Variants in PIK3C2A observed in about 807,000 individuals in gnomAD.
PIK3C2A encodes the protein phosphatidylinositol-4-phosphate 3-kinase catalytic subunit type 2 alpha.
In PIK3C2A, 97 loss-of-function variants were observed where a neutral mutation model predicts 204.5. That is an observed-to-expected ratio of 0.47 (90% CI 0.40 to 0.56). The LOEUF (loss-of-function observed/expected upper bound fraction) is 0.56. Ranked by LOEUF, PIK3C2A falls within the 20% of genes least tolerant of loss-of-function variation. PIK3C2A has a pLI of 0.00. For missense variants in PIK3C2A, 1,735 were observed against 1,969.2 expected (o/e 0.88, Z 2.25); for synonymous variants, 653 against 664.4 (o/e 0.98, Z 0.26).
intron 1 of PIK3C2A, among the ~76,000 whole-genome samples, chr11:17,197,313 C>G (rs2137571567): frequency 6.6e-6 from 1 of 152,294 alleles, no homozygotes; most frequent in African/African-American, 2.4e-5. Context: ...AGCCACCGCA[C>G]CTGGCCCCCA....
chr11:17,146,342 A>AT (rs1850242916), intron 6 of PIK3C2A, among the ~76,000 whole-genome samples: 2 of 152,036 alleles, frequency 1.3e-5, no homozygotes, highest in South Asian at 4.2e-4. Context: ...ATGATAATCA[A>AT]TTTTCCTCCC....
chr11:17,156,000 CTTCTAATCAG>C (rs1200978978), intron 2 of PIK3C2A, among the ~76,000 whole-genome samples: 4 of 152,148 alleles, frequency 2.6e-5, no homozygotes, highest in African/African-American at 7.2e-5. Flanking sequence ...ATTTGGGACT[CTTCTAATCAG>C]CCAGAAATTC....
intron 20 of PIK3C2A, 89 bp downstream of exon 20, chr11:17,114,272 C>T (rs1849102583): frequency 1.4e-6 from 1 of 695,824 alleles, no homozygotes; most frequent in Admixed American, 2.1e-5. Context: ...GCAGGTTTTA[C>T]CTTCATTTGC....
At position 17,169,091 on chromosome 11, in the gene PIK3C2A, T is replaced by C; in HGVS notation, c.651A>G (p.Pro217=). 2 of 1,614,238 alleles carry C rather than the reference T, an allele frequency of 1.2e-6. No individual in the cohort carries two copies. The highest frequency in any genetic ancestry group is 1.7e-6 in the Non-Finnish European group (2 of 1,180,032). The change falls in exon 2 of 33, where the codon CCA becomes CCG. Residue 217 remains proline (P), a synonymous_variant. Coordinates refer to ENST00000691414, the MANE Select transcript of PIK3C2A (RefSeq NM_002645.4). The part of the protein sequence containing the change: ...HPQGSLPIYR[P]VVSTDMAKLF... ...GTTTTGCCATGTCAGTACTGACTAC[T>C]GGACGATAGATAGGTAAGCTTCCTT... is the stretch of plus-strand genomic sequence containing the variant.
At chr11:17,168,031 G>C (rs1331351166) in intron 2 of PIK3C2A, among the ~76,000 whole-genome samples, 2 of 151,686 alleles carry the variant, frequency 1.3e-5, no homozygotes, top group Admixed American at 1.3e-4. Flanking sequence ...AAAAAAACAG[G>C]AATAAGGAAG....
chr11:17,186,262 T>A (rs1851747116), intron 1 of PIK3C2A, among the ~76,000 whole-genome samples: 1 of 152,052 alleles, frequency 6.6e-6, no homozygotes, highest in Non-Finnish European at 1.5e-5. Flanking sequence ...TTTCTCCAAC[T>A]CCACTGCCTA....
chr11:17,162,980 T>C (rs1224448209), intron 2 of PIK3C2A, among the ~76,000 whole-genome samples: 1 of 152,148 alleles, frequency 6.6e-6, no homozygotes, highest in Non-Finnish European at 1.5e-5. Flanking sequence ...CTAAACTGAA[T>C]TCTCAATTCA....
At chr11:17,160,202 A>G (rs1321142594) in intron 2 of PIK3C2A, among the ~76,000 whole-genome samples, 1 of 152,232 alleles carries the variant, frequency 6.6e-6, no homozygotes, top group Non-Finnish European at 1.5e-5. Context: ...TTTCAATTTA[A>G]GTAAATTGGA....
intron 1 of PIK3C2A, among the ~76,000 whole-genome samples, chr11:17,173,142 C>T (rs1008325547): frequency 6.6e-6 from 1 of 152,232 alleles, no homozygotes; most frequent in Non-Finnish European, 1.5e-5. Context: ...ACAGCTTTCT[C>T]TTCTTCACTT....
chr11:17,157,406 G>T (rs1300570449), intron 2 of PIK3C2A, among the ~76,000 whole-genome samples: 2 of 146,244 alleles, frequency 1.4e-5, no homozygotes, highest in African/African-American at 5.1e-5. Context: ...GTTGCAGTGA[G>T]CTGAGATCGT....
chr11:17,099,245 T>A (rs1182746234), intron 26 of PIK3C2A, among the ~76,000 whole-genome samples: 1 of 152,242 alleles, frequency 6.6e-6, no homozygotes, highest in Admixed American at 6.5e-5. Context: ...GTCATTGGTA[T>A]ATGTGTTTCA....
rs1369054820 is a variant in PIK3C2A at position 17,112,629 on chromosome 11, T to C, written c.3359A>G (p.Lys1120Arg). 1.9e-6 allele frequency: 3 copies of C among 1,556,520 alleles called. No homozygotes were observed. The highest frequency in any genetic ancestry group is 2.6e-6 in the Non-Finnish European group (3 of 1,145,734). Residue 1120 changes from lysine to arginine, a missense_variant, in exon 21 of 33, where the codon AAA becomes AGA. Physicochemically the swap from Lys to Arg is conservative, Grantham distance 26. Transcript: ENST00000691414. ...AGGGTCAGCATTCACCATTGTGACT[T>C]TTAGGGGGACAGCATTAGAACTGAA... ...SFFSSNAVPL[K>R]VTMVNADPMG...
At chr11:17,164,868 ATTAT>A (rs1254181652) in intron 2 of PIK3C2A, among the ~76,000 whole-genome samples, 1 of 152,132 alleles carries the variant, frequency 6.6e-6, no homozygotes, top group Non-Finnish European at 1.5e-5. Flanking sequence ...ACCCATCCTC[ATTAT>A]TCCTCCAAGA....
chr11:17,189,928 T>C (rs113343528), intron 1 of PIK3C2A, among the ~76,000 whole-genome samples: 7,173 of 145,258 alleles, frequency 0.049, 240 homozygotes, highest in South Asian at 0.085. Flanking sequence ...ATAGTCAAAA[T>C]AAGCAAACTC....
intron 1 of PIK3C2A, among the ~76,000 whole-genome samples, chr11:17,176,716 T>A (rs1173124446): frequency 2.0e-5 from 3 of 151,982 alleles, no homozygotes; most frequent in African/African-American, 7.3e-5. Flanking sequence ...AGCCCAGGTG[T>A]TCAAGGTTAG....
At chr11:17,142,017 G>A (rs1332830888) in intron 8 of PIK3C2A, among the ~76,000 whole-genome samples, 1 of 151,990 alleles carries the variant, frequency 6.6e-6, no homozygotes, top group Admixed American at 6.6e-5. Flanking sequence ...GTGTAGGGAA[G>A]GGGGTATATG....
At chr11:17,096,613 T>G (rs1448820516) in intron 27 of PIK3C2A, among the ~76,000 whole-genome samples, 1 of 152,130 alleles carries the variant, frequency 6.6e-6, no homozygotes, top group Non-Finnish European at 1.5e-5. Context: ...ATTTAAAAAC[T>G]GGCAGTTCTG....
At chr11:17,204,987 G>C (rs1251531107) in intron 1 of PIK3C2A, among the ~76,000 whole-genome samples, 2 of 152,042 alleles carry the variant, frequency 1.3e-5, no homozygotes, top group Non-Finnish European at 2.9e-5. Context: ...AGACCAGCTT[G>C]ACCAACATGG....
intron 1 of PIK3C2A, among the ~76,000 whole-genome samples, chr11:17,199,246 G>A (rs900756521): frequency 6.6e-6 from 1 of 152,120 alleles, no homozygotes; most frequent in Non-Finnish European, 1.5e-5. Flanking sequence ...CAAGGGTGTA[G>A]AAAAAGTGGA....
Sources: gnomAD v4.1 joint callset for allele counts (sites outside exome capture counted in the v4.1 genomes callset) on GRCh38, gnomAD v4.1.1 for gene constraint, MANE v1.5 for transcripts, NCBI Gene and HGNC (gene_info 2026-07-23, HGNC 2026-07-21) for gene names.